Variants in CEP192 observed in about 807,000 individuals in gnomAD.
CEP192 encodes the protein centrosomal protein 192, also known as centrosomal protein of 192 kDa.
In CEP192, 151 loss-of-function variants were observed where a neutral mutation model predicts 271.8. The observed-to-expected ratio is 0.56, with a 90% confidence interval of 0.49 to 0.64. The LOEUF (loss-of-function observed/expected upper bound fraction) is 0.64, where lower values mean the gene tolerates loss of function less well. CEP192 is among the 30% of genes least tolerant of loss of function. The probability of loss-of-function intolerance (pLI) is 0.00; values close to 1 mark genes in which losing one functional copy is unlikely to be tolerated. For missense variants in CEP192, 2,910 were observed against 3,020.5 expected (o/e 0.96, Z 0.86); for synonymous variants, 995 against 1,076.5 (o/e 0.92, Z 1.48).
chr18:13,049,696 C>G lies in CEP192; in HGVS notation c.2890+15C>G, dbSNP rs376864238. ...TAAAAATAGTGGTAAGTGTCTGAGT[C>G]GTTGGTCACATTCATAAAATTACAA... is the stretch of plus-strand genomic sequence containing the variant. On this transcript the variant is annotated intron_variant, in intron 16 of 44. Coordinates refer to ENST00000506447, the MANE Select transcript of CEP192 (RefSeq NM_032142.4). The G allele has an allele frequency of 6.2e-7, 1 of 1,602,868 alleles. No individual in the cohort carries two copies. The highest frequency in any genetic ancestry group is 1.7e-5 in the Admixed American group (1 of 58,480).
intron 34 of CEP192, among the ~76,000 whole-genome samples, chr18:13,094,509 A>G (rs1458063393): frequency 6.6e-6 from 1 of 152,138 alleles, no homozygotes; most frequent in Non-Finnish European, 1.5e-5. Context: ...TCCTTTTGAT[A>G]GGTCCCCCGT....
chr18:13,027,358 G>A (rs1308824257), intron 9 of CEP192, among the ~76,000 whole-genome samples: 8 of 152,178 alleles, frequency 5.3e-5, no homozygotes, highest in Admixed American at 6.5e-5. Context: ...GAACTTGGTT[G>A]TGCTGCAAGT....
At chr18:13,039,455 CAAAA>C (rs61448797) in intron 13 of CEP192, among the ~76,000 whole-genome samples, 4 of 134,114 alleles carry the variant, frequency 3.0e-5, no homozygotes, top group Non-Finnish European at 4.8e-5. Flanking sequence ...GACTCCATCT[CAAAA>C]AAAAAAAAAA....
At chr18:13,103,954 T>A in intron 39 of CEP192, 1 of 447,226 alleles carries the variant, frequency 2.2e-6, no homozygotes, top group Non-Finnish European at 4.5e-6. Context: ...CCTCCCAAAG[T>A]GCTGGGATTA....
At chr18:13,041,309 C>A (rs149707703) in intron 14 of CEP192, among the ~76,000 whole-genome samples, 1 of 152,188 alleles carries the variant, frequency 6.6e-6, no homozygotes, top group Non-Finnish European at 1.5e-5. Context: ...CTATGATAAT[C>A]TATGATAATT....
intron 15 of CEP192, among the ~76,000 whole-genome samples, chr18:13,047,830 AC>A (rs536166708): frequency 2.0e-4 from 31 of 152,354 alleles, no homozygotes; most frequent in African/African-American, 7.5e-4. Flanking sequence ...CAAGAATTAT[AC>A]TTGCAATCAC....
intron 33 of CEP192, among the ~76,000 whole-genome samples, chr18:13,090,759 T>C (rs2039103329): frequency 6.6e-6 from 1 of 152,200 alleles, no homozygotes; most frequent in Non-Finnish European, 1.5e-5. Context: ...TCTGTCCCAC[T>C]ACAGCCCCAC....
chr18:13,076,002 T>A (rs1042169858), intron 30 of CEP192, among the ~76,000 whole-genome samples: 1 of 152,178 alleles, frequency 6.6e-6, no homozygotes, highest in African/African-American at 2.4e-5. Flanking sequence ...TGGCAGAGTC[T>A]GGAGTTACTT....
In CEP192 at chr18:13,042,311, A is replaced by G; in HGVS notation, c.2044A>G (p.Thr682Ala). The G allele has an allele frequency of 6.2e-7, 1 of 1,614,114 alleles. No individual in the cohort carries two copies. Among genetic ancestry groups the G allele is most frequent in the Non-Finnish European group, 8.5e-7 (1 of 1,179,970 alleles). The change falls in exon 15 of 45, where the codon ACG becomes GCG. Residue 682 changes from threonine (T) to alanine (A), a missense_variant. By Grantham distance (58) the Thr-to-Ala change is moderately conservative. Transcript: ENST00000506447. ...AGTGGATGAAAATGATGTGACGTTAACGGCTGATAAAGGCAAAACAGAGGT... is the reference window on the plus strand; with the variant it reads ...AGTGGATGAAAATGATGTGACGTTAGCGGCTGATAAAGGCAAAACAGAGGT... ...SQVDENDVTL[T>A]ADKGKTEDTF... is the part of the protein sequence containing the mutation.
intron 30 of CEP192, among the ~76,000 whole-genome samples, chr18:13,083,987 T>G (rs1446667434): frequency 6.6e-6 from 1 of 152,158 alleles, no homozygotes; most frequent in Non-Finnish European, 1.5e-5. Flanking sequence ...ATCCTTCCTC[T>G]GGCAGCTTCG....
intron 2 of CEP192, chr18:13,000,529 A>G (rs2033575268): frequency 6.6e-6 from 1 of 151,932 alleles, no homozygotes; most frequent in Non-Finnish European, 1.5e-5. Context: ...AGCCAGGTTT[A>G]CTCTTTACTG....
rs78003631 is a variant in CEP192, at chr18:13,068,545, T to G, written c.4822+123T>G. The stretch of plus-strand genomic sequence containing the variant: ...GAAATCTGTCAACTATTTTATGTTT[T>G]TTTGAAATTGAGGCAGATGGCATGC... On this transcript the variant is annotated intron_variant, in intron 24 of 44. Transcript: ENST00000506447. 711 of 921,256 alleles carry G rather than the reference T, an allele frequency of 7.7e-4. No homozygotes were observed. The African/African-American group carries it at 0.011, about 14-fold the overall frequency. 57.1% of individuals were successfully genotyped at this position (921,256 alleles called of 1,614,324 possible).
intron 21 of CEP192, among the ~76,000 whole-genome samples, chr18:13,063,340 A>G (rs1195888216): frequency 6.6e-6 from 1 of 152,248 alleles, no homozygotes; most frequent in Non-Finnish European, 1.5e-5. Context: ...TCAACAGTGT[A>G]CGAGGGTTCC....
chr18:13,110,793 A>G (rs1317581946), intron 40 of CEP192, among the ~76,000 whole-genome samples: 1 of 152,210 alleles, frequency 6.6e-6, no homozygotes. Flanking sequence ...CTGGCCAAAC[A>G]CTTATGTAAA....
chr18:13,105,895 C>A (rs558851758), intron 40 of CEP192, among the ~76,000 whole-genome samples: 1 of 152,236 alleles, frequency 6.6e-6, no homozygotes, highest in East Asian at 1.9e-4. Flanking sequence ...AGAAAGACAT[C>A]CCATGTCAAT....
chr18:13,124,575 G>A, intron 44 of CEP192, 57 bp from the exon 45 acceptor site: 1 of 1,532,218 alleles, frequency 6.5e-7, no homozygotes. Context: ...TGCTGCCTGG[G>A]ACAGGGTCAC....
chr18:13,115,257 C>T (rs553436767), intron 42 of CEP192, among the ~76,000 whole-genome samples: 4 of 152,274 alleles, frequency 2.6e-5, no homozygotes, highest in South Asian at 2.1e-4. Flanking sequence ...AGAGCCCACA[C>T]GGGCTGCGGG....
chr18:13,076,492 A>T (rs2038289314), intron 30 of CEP192, among the ~76,000 whole-genome samples: 1 of 152,224 alleles, frequency 6.6e-6, no homozygotes, highest in Non-Finnish European at 1.5e-5. Context: ...CTGGGATTAC[A>T]GGCGTGAGCC....
chr18:13,037,450 CATACTCTAAATAAA>C (rs1482211063), intron 12 of CEP192, 149 bp downstream of exon 12: 2 of 487,780 alleles, frequency 4.1e-6, no homozygotes, highest in Non-Finnish European at 7.2e-6. Context: ...CTTTTTCCCT[CATACTCTAAATAAA>C]ATACTCTAAA....
Sources: allele counts gnomAD v4.1 joint callset (sites outside exome capture counted in the v4.1 genomes callset), GRCh38; gene constraint gnomAD v4.1.1; transcripts MANE v1.5; gene names NCBI Gene and HGNC (gene_info 2026-07-23, HGNC 2026-07-21).